The following CCDC7 variants were observed in gnomAD, a reference collection of about 807,000 sequenced individuals.
CCDC7 encodes the protein coiled-coil domain-containing protein 7.
CCDC7 carries 183 observed loss-of-function variants against 196.9 expected under a neutral mutation model. That is an observed-to-expected ratio of 0.93 (90% confidence interval 0.82 to 1.05). CCDC7 has a LOEUF of 1.05. CCDC7 is among the 50% of genes least tolerant of loss of function. The pLI is 0.00. For synonymous variants in CCDC7, 525 were observed against 484.6 expected (o/e 1.08, Z -1.10); for missense variants, 1,540 against 1,482.2 (o/e 1.04, Z -0.64).
intron 3 of CCDC7, among the ~76,000 whole-genome samples, chr10:32,461,421 G>T (rs1265320044): frequency 6.6e-6 from 1 of 152,070 alleles, no homozygotes; most frequent in Non-Finnish European, 1.5e-5. Flanking sequence ...CAGAATGGTT[G>T]TAGGTGTATG....
chr10:32,701,225 G>C (rs1431726404), intron 24 of CCDC7, among the ~76,000 whole-genome samples: 1 of 152,158 alleles, frequency 6.6e-6, no homozygotes, highest in Non-Finnish European at 1.5e-5. Flanking sequence ...TTTGAGATAT[G>C]TCCCATCAAT....
intron 18 of CCDC7, among the ~76,000 whole-genome samples, chr10:32,587,739 G>A (rs1375175804): frequency 6.6e-6 from 1 of 152,092 alleles, no homozygotes; most frequent in Non-Finnish European, 1.5e-5. Context: ...CAATTTGGAT[G>A]GCCTTTGTTT....
At chr10:32,777,102 T>G (rs1391147294) in intron 28 of CCDC7, among the ~76,000 whole-genome samples, 1 of 152,200 alleles carries the variant, frequency 6.6e-6, no homozygotes, top group Admixed American at 6.5e-5. Context: ...CCAGTGTTTA[T>G]CTCCCACATA....
chr10:32,705,017 G>A (rs900091568), intron 24 of CCDC7, among the ~76,000 whole-genome samples: 3 of 152,124 alleles, frequency 2.0e-5, no homozygotes, highest in Non-Finnish European at 4.4e-5. Context: ...TGCGCCCACT[G>A]TCCTGCACCC....
intron 20 of CCDC7, among the ~76,000 whole-genome samples, chr10:32,638,241 G>T (rs992251110): frequency 6.6e-6 from 1 of 152,058 alleles, no homozygotes; most frequent in Admixed American, 6.6e-5. Flanking sequence ...CTGCCTGATT[G>T]CCCTGGCCAG....
intron 22 of CCDC7, among the ~76,000 whole-genome samples, chr10:32,686,316 T>C (rs2076461874): frequency 6.6e-6 from 1 of 152,204 alleles, no homozygotes. Flanking sequence ...CCAAGGACAA[T>C]AGCAGGCCAA....
chr10:32,444,718 A>T (rs1416872286), upstream of CCDC7, among the ~76,000 whole-genome samples: 2 of 152,134 alleles, frequency 1.3e-5, no homozygotes, highest in Non-Finnish European at 2.9e-5. Flanking sequence ...TCTTAATTTT[A>T]TTGCCAACTT....
At chr10:32,757,844 G>C (rs1181355784) in intron 28 of CCDC7, among the ~76,000 whole-genome samples, 2 of 152,188 alleles carry the variant, frequency 1.3e-5, no homozygotes, top group South Asian at 2.1e-4. Context: ...CAACAAAATT[G>C]ATAGACCACT....
intron 31 of CCDC7, among the ~76,000 whole-genome samples, chr10:32,816,884 GAA>G (rs1312487815): frequency 6.6e-6 from 1 of 151,734 alleles, no homozygotes; most frequent in African/African-American, 2.4e-5. Flanking sequence ...CAAAGATGGG[GAA>G]AAAAAAGAGC....
At chr10:32,461,835 G>A (rs1353726793) in intron 3 of CCDC7, among the ~76,000 whole-genome samples, 3 of 149,510 alleles carry the variant, frequency 2.0e-5, no homozygotes, top group Non-Finnish European at 4.4e-5. Context: ...GCAATGGCGT[G>A]ATCTCGGCTC....
At chr10:32,756,788 G>A (rs1592405075) in intron 28 of CCDC7, among the ~76,000 whole-genome samples, 3 of 152,162 alleles carry the variant, frequency 2.0e-5, no homozygotes, top group South Asian at 2.1e-4. Context: ...AAATGCCCCA[G>A]TTAAAAGACA....
Position 32,799,932 on chromosome 10 carries a change from C to T in CCDC7, c.3014-5083C>T, listed in dbSNP as rs577495380. ...AGTAAAGGTATGTTGCTGGCCTTGC[C>T]CACTGAAGGCAAATTGCTTCTGGTG... On this transcript the variant is annotated intron_variant, in intron 29 of 41. Coordinates refer to ENST00000639629, the Ensembl canonical transcript of CCDC7. 2.0e-5 allele frequency among the ~76,000 whole-genome samples: 3 copies of T among 152,304 alleles called. No homozygotes were observed. The East Asian group carries it at 5.8e-4, about 29-fold the overall frequency.
intron 13 of CCDC7, among the ~76,000 whole-genome samples, chr10:32,565,248 G>C (rs1053198690): frequency 2.0e-5 from 3 of 152,124 alleles, no homozygotes; most frequent in Non-Finnish European, 4.4e-5. Context: ...TAAGAGTAGA[G>C]GTTCTTCTTT....
chr10:32,543,466 T>G, intron 12 of CCDC7, 81 bp downstream of exon 13: 1 of 1,136,142 alleles, frequency 8.8e-7, no homozygotes, highest in Non-Finnish European at 1.2e-6. Flanking sequence ...TAAAGTCAAA[T>G]AAACATAACT....
chr10:32,666,003 T>C (rs983817671), intron 21 of CCDC7, among the ~76,000 whole-genome samples: 20 of 152,042 alleles, frequency 1.3e-4, no homozygotes, highest in Admixed American at 6.6e-4. Flanking sequence ...GACAGTTCAT[T>C]GTTAGAGTAT....
intron 32 of CCDC7, among the ~76,000 whole-genome samples, chr10:32,828,439 G>GAGAAGAAGAAGAAGAAGA (rs71030014): frequency 5.3e-4 from 30 of 56,822 alleles, no homozygotes; most frequent in South Asian, 1.2e-3. Flanking sequence ...AGGAAGGAAG[G>GAGAAGAAGAAGAAGAAGA]AGAAGAAGAA....
intron 13 of CCDC7, among the ~76,000 whole-genome samples, chr10:32,552,890 A>G (rs780752977): frequency 7.9e-5 from 12 of 151,984 alleles, no homozygotes; most frequent in African/African-American, 1.4e-4. Context: ...CCTGATGACA[A>G]TGTGCCTAGG....
At chr10:32,767,446 A>G (rs1294912543) in intron 28 of CCDC7, among the ~76,000 whole-genome samples, 2 of 152,108 alleles carry the variant, frequency 1.3e-5, no homozygotes, top group Non-Finnish European at 2.9e-5. Context: ...CTTCTTTTAG[A>G]AGCAATTAAA....
At chr10:32,447,803 G>A (rs189092055), upstream of CCDC7, among the ~76,000 whole-genome samples, 1,068 of 152,250 alleles carry the variant, frequency 7.0e-3, 12 homozygotes, top group African/African-American at 0.025. Context: ...TTGGGAGGCT[G>A]AGGCAGGAGA....
Sources: gnomAD v4.1 joint callset for allele counts (sites outside exome capture counted in the v4.1 genomes callset) on GRCh38, gnomAD v4.1.1 for gene constraint, MANE v1.5 for transcripts, NCBI Gene and HGNC (gene_info 2026-07-23, HGNC 2026-07-21) for gene names.